The following ME1 variants were observed in gnomAD, a reference collection of about 807,000 sequenced individuals.
ME1 encodes malic enzyme 1.
ME1 carries 74 observed loss-of-function variants against 66.4 expected under a neutral mutation model. That is an observed-to-expected ratio of 1.11 (90% CI 0.92 to 1.35). The LOEUF is 1.35. Ranked by LOEUF, ME1 falls within the 40% of genes most tolerant of loss-of-function variation. ME1 has a pLI of 0.00. For synonymous variants in ME1, 251 were observed against 235.6 expected, an observed-to-expected ratio of 1.07 and a Z score of -0.60; for missense variants, 750 against 694.1, an observed-to-expected ratio of 1.08 and a Z score of -0.90.
chr6:83,253,256 C>G lies in ME1; in HGVS notation c.814+373G>C, dbSNP rs575564339. The stretch of plus-strand genomic sequence containing the variant: ...AATGCAGCATACTACATAAAGGCAG[C>G]TCCTACTGGGGTAAAGCATAAAAAT... On this transcript the variant is annotated intron_variant, in intron 7 of 13. Coordinates refer to ENST00000369705, the MANE Select transcript of ME1 (RefSeq NM_002395.6). Among the ~76,000 whole-genome samples, 4 of 152,190 alleles carry G rather than the reference C, an allele frequency of 2.6e-5. No individual in the cohort carries two copies. In the East Asian group the frequency reaches 7.7e-4, roughly 29 times the overall value.
intron 6 of ME1, among the ~76,000 whole-genome samples, chr6:83,273,611 G>T (rs1306239579): frequency 1.3e-5 from 2 of 152,104 alleles, no homozygotes; most frequent in South Asian, 2.1e-4. Context: ...ATACAAAAAA[G>T]AGGTTGATTT....
rs138394599 is a variant in ME1, at chr6:83,430,936, G to C, written c.19C>G (p.Arg7Gly). The change falls in exon 1 of 14, where the codon CGT becomes GGT. Residue 7 changes from arginine to glycine, a missense_variant. By Grantham distance (125) the Arg-to-Gly change is moderately radical. Transcript: ENST00000369705. MEPEAP[R>G]RRHTHQRGYL... ...CCGCGCTGATGGGTGTGGCGGCGAC[G>C]GGGGGCTTCGGGCTCCATGGCTGGC... 2 of 1,587,810 alleles carry C rather than the reference G, an allele frequency of 1.3e-6. No homozygotes were observed. The highest frequency in any genetic ancestry group is 1.4e-5 in the African/African-American group (1 of 71,968).
intron 6 of ME1, among the ~76,000 whole-genome samples, chr6:83,264,248 T>C (rs1161923516): frequency 6.6e-6 from 1 of 152,232 alleles, no homozygotes; most frequent in Non-Finnish European, 1.5e-5. Flanking sequence ...AGTCTGCTAA[T>C]GAGACCTACT....
chr6:83,404,710 C>A (rs940295529), intron 2 of ME1, among the ~76,000 whole-genome samples: 4 of 152,180 alleles, frequency 2.6e-5, no homozygotes, highest in African/African-American at 9.7e-5. Flanking sequence ...GGTCCAGTTT[C>A]AGTTTTCTGC....
intron 6 of ME1, among the ~76,000 whole-genome samples, chr6:83,269,382 T>C (rs1304555768): frequency 6.6e-6 from 1 of 152,182 alleles, no homozygotes; most frequent in Non-Finnish European, 1.5e-5. Flanking sequence ...AGGCTTTGAT[T>C]ATATGCCTTT....
chr6:83,366,962 T>C (rs1769111368), intron 3 of ME1, among the ~76,000 whole-genome samples: 1 of 152,208 alleles, frequency 6.6e-6, no homozygotes, highest in African/African-American at 2.4e-5. Context: ...CGAATCACTG[T>C]CTATGGCAGC....
intron 4 of ME1, among the ~76,000 whole-genome samples, chr6:83,350,480 TTC>T (rs1398503357): frequency 6.6e-6 from 1 of 152,184 alleles, no homozygotes; most frequent in Non-Finnish European, 1.5e-5. Flanking sequence ...TTTGTTTTTT[TTC>T]TGAGACAGGG....
intron 10 of ME1, among the ~76,000 whole-genome samples, chr6:83,227,841 A>C (rs1790227323): frequency 6.6e-6 from 1 of 152,226 alleles, no homozygotes; most frequent in Non-Finnish European, 1.5e-5. Flanking sequence ...AAAGCAATTA[A>C]GTTTTATAAA....
intron 6 of ME1, among the ~76,000 whole-genome samples, chr6:83,263,147 C>T (rs1193834825): frequency 6.6e-6 from 1 of 152,044 alleles, no homozygotes; most frequent in Non-Finnish European, 1.5e-5. Context: ...TTTTATGTTA[C>T]CATTATAATT....
intron 5 of ME1, among the ~76,000 whole-genome samples, chr6:83,334,290 T>G (rs1258436019): frequency 2.3e-5 from 3 of 130,284 alleles, no homozygotes; most frequent in Admixed American, 8.1e-5. Flanking sequence ...CGAGACTATA[T>G]CCCACACCTG....
intron 3 of ME1, among the ~76,000 whole-genome samples, chr6:83,381,124 G>A (rs946037506): frequency 6.6e-6 from 1 of 151,986 alleles, no homozygotes; most frequent in South Asian, 2.1e-4. Flanking sequence ...AAACACTGAG[G>A]AGCAGAAGGC....
chr6:83,401,219 T>C (rs1562003774), intron 2 of ME1, among the ~76,000 whole-genome samples: 1 of 152,170 alleles, frequency 6.6e-6, no homozygotes, highest in Admixed American at 6.5e-5. Context: ...CCTGTAGTCC[T>C]AGCTACTTGG....
chr6:83,291,880 C>A (rs549215368), intron 6 of ME1, among the ~76,000 whole-genome samples: 1 of 151,922 alleles, frequency 6.6e-6, no homozygotes, highest in African/African-American at 2.4e-5. Context: ...GATCTTCAAT[C>A]ATTGATATCC....
chr6:83,352,221 T>A, intron 3 of ME1, 82 bp from the exon 4 acceptor site: 3 of 845,788 alleles, frequency 3.5e-6, no homozygotes, highest in Non-Finnish European at 3.4e-6. Context: ...TAAATTTTTT[T>A]TCAAACAACA....
chr6:83,375,285 T>C (rs1005713994), intron 3 of ME1, among the ~76,000 whole-genome samples: 4 of 152,226 alleles, frequency 2.6e-5, no homozygotes, highest in Non-Finnish European at 4.4e-5. Flanking sequence ...CAGTGGTTTG[T>C]AGTTCTCCTT....
intron 1 of ME1, among the ~76,000 whole-genome samples, chr6:83,413,444 T>A (rs988690278): frequency 6.6e-6 from 1 of 152,136 alleles, no homozygotes; most frequent in Non-Finnish European, 1.5e-5. Flanking sequence ...ATTTTATTAA[T>A]GTGACCTTGC....
chr6:83,430,752 C>T (rs769910055), intron 1 of ME1, 125 bp downstream of exon 1: 2 of 788,764 alleles, frequency 2.5e-6, no homozygotes, highest in South Asian at 3.6e-5. Context: ...CAGGCCGCGG[C>T]CGCTCACCGG....
At chr6:83,377,100 G>A (rs1317932681) in intron 3 of ME1, among the ~76,000 whole-genome samples, 1 of 152,080 alleles carries the variant, frequency 6.6e-6, no homozygotes, top group Non-Finnish European at 1.5e-5. Flanking sequence ...AAGTATCTCA[G>A]ATTAAATGAC....
At chr6:83,292,469 T>C (rs1328937823) in intron 6 of ME1, among the ~76,000 whole-genome samples, 1 of 152,158 alleles carries the variant, frequency 6.6e-6, no homozygotes, top group Non-Finnish European at 1.5e-5. Flanking sequence ...CAGCAAATAT[T>C]GCTGCCTGAT....
Sources: gnomAD v4.1 joint callset for allele counts (sites outside exome capture counted in the v4.1 genomes callset) on GRCh38, gnomAD v4.1.1 for gene constraint, MANE v1.5 for transcripts, NCBI Gene and HGNC (gene_info 2026-07-23, HGNC 2026-07-21) for gene names.